Variants in NMBR observed in about 807,000 individuals in gnomAD.
NMBR encodes the protein neuromedin B receptor.
In NMBR, 16 loss-of-function variants were observed where a neutral mutation model predicts 20.5. The observed-to-expected ratio is 0.78, with a 90% CI of 0.53 to 1.19. NMBR has a LOEUF of 1.19. Among genes scored for constraint, NMBR ranks in the 50% most tolerant of loss-of-function variants. NMBR has a pLI of 0.00. For synonymous variants in NMBR, 212 were observed against 196.6 expected (o/e 1.08, Z -0.65); for missense variants, 582 against 499.1 (o/e 1.17, Z -1.58).
At chr6:142,102,126 C>T (rs561188525) in intron 1 of NMBR, among the ~76,000 whole-genome samples, 12 of 152,212 alleles carry the variant, frequency 7.9e-5, no homozygotes, top group African/African-American at 1.9e-4. Flanking sequence ...CGGTGGCTCA[C>T]GCCTGTAATC....
intron 1 of NMBR, among the ~76,000 whole-genome samples, chr6:142,091,520 C>A (rs2114570012): frequency 6.6e-6 from 1 of 152,256 alleles, no homozygotes; most frequent in East Asian, 1.9e-4. Context: ...CCATAGCACC[C>A]AGCCATACAA....
chr6:142,084,722 C>T (rs1450251872), intron 2 of NMBR, among the ~76,000 whole-genome samples: 1 of 152,018 alleles, frequency 6.6e-6, no homozygotes, highest in Non-Finnish European at 1.5e-5. Flanking sequence ...CATCAGAGGC[C>T]AAAAGATCTT....
chr6:142,126,276 T>C (rs1002476233), intron 1 of NMBR, among the ~76,000 whole-genome samples: 4 of 151,856 alleles, frequency 2.6e-5, no homozygotes, highest in Admixed American at 6.6e-5. Context: ...TGTGTGTGTG[T>C]GTGTGTGTGA....
intron 1 of NMBR, among the ~76,000 whole-genome samples, chr6:142,117,399 A>C (rs1345999934): frequency 6.6e-6 from 1 of 151,944 alleles, no homozygotes; most frequent in Non-Finnish European, 1.5e-5. Flanking sequence ...TCAATACTTA[A>C]TAAGTAGAAA....
At chr6:142,097,304 C>T (rs904714614) in intron 1 of NMBR, among the ~76,000 whole-genome samples, 3 of 152,108 alleles carry the variant, frequency 2.0e-5, no homozygotes. Context: ...TTTGCAGTGG[C>T]TGGTACCAGT....
At chr6:142,128,398 AC>A (rs1221103376) in intron 1 of NMBR, among the ~76,000 whole-genome samples, 2 of 152,074 alleles carry the variant, frequency 1.3e-5, no homozygotes, top group African/African-American at 2.4e-5. Context: ...GACTTCTAGT[AC>A]TATGTTGAAT....
At chr6:142,105,141 C>T (rs1012479120) in intron 1 of NMBR, among the ~76,000 whole-genome samples, 25 of 119,502 alleles carry the variant, frequency 2.1e-4, no homozygotes, top group South Asian at 1.6e-3. Flanking sequence ...ATCGAAAGGG[C>T]GGGGAGGGGG....
chr6:142,124,097 G>A (rs768227575), intron 1 of NMBR, among the ~76,000 whole-genome samples: 120 of 151,882 alleles, frequency 7.9e-4, no homozygotes, highest in Non-Finnish European at 1.4e-3. Flanking sequence ...AGACAGAAAG[G>A]GGACAGAAAA....
At chr6:142,117,026 A>G (rs1399240361) in intron 1 of NMBR, among the ~76,000 whole-genome samples, 1 of 151,980 alleles carries the variant, frequency 6.6e-6, no homozygotes, top group Admixed American at 6.6e-5. Flanking sequence ...CATGTCTTAA[A>G]TTGTTTCCAT....
intron 1 of NMBR, among the ~76,000 whole-genome samples, chr6:142,121,333 CA>C (rs1469723134): frequency 5.9e-5 from 9 of 151,890 alleles, no homozygotes; most frequent in Admixed American, 5.9e-4. Context: ...GCAAAAGAGT[CA>C]CAGGTCTCTC....
chr6:142,146,461 A>T (rs1201025545), intron 1 of NMBR, among the ~76,000 whole-genome samples: 1 of 152,244 alleles, frequency 6.6e-6, no homozygotes, highest in Non-Finnish European at 1.5e-5. Flanking sequence ...GAGGAAGAGA[A>T]TTGAAGTCAT....
intron 1 of NMBR, among the ~76,000 whole-genome samples, chr6:142,140,069 T>G (rs959572767): frequency 6.6e-6 from 1 of 152,004 alleles, no homozygotes; most frequent in African/African-American, 2.4e-5. Flanking sequence ...GCACTGAAAA[T>G]TGACAGCTGA....
At chr6:142,110,392 A>T (rs914006798) in intron 1 of NMBR, among the ~76,000 whole-genome samples, 10 of 152,236 alleles carry the variant, frequency 6.6e-5, no homozygotes, top group Non-Finnish European at 1.5e-4. Flanking sequence ...GGATGGCATT[A>T]AAAAAGAATC....
At position 142,095,602 on chromosome 6, in the gene NMBR, G is replaced by T. The variant is rs777756704; in HGVS notation, c.-663-6281C>A. 5.3e-5 allele frequency among the ~76,000 whole-genome samples: 8 copies of T among 152,256 alleles called. No homozygotes were observed. The South Asian group carries it at 1.5e-3, about 28-fold the overall frequency. The stretch of plus-strand genomic sequence containing the variant: ...GCATTGATGTTCCTCAGGGATATTG[G>T]TCTAAAATTCTCTTTTTTCTTGTGT... On this transcript the variant is annotated intron_variant, in intron 1 of 3. Coordinates refer to ENST00000258042, the MANE Select transcript of NMBR (RefSeq NM_002511.4).
At chr6:142,125,197 C>T (rs956531638) in intron 1 of NMBR, among the ~76,000 whole-genome samples, 4 of 151,874 alleles carry the variant, frequency 2.6e-5, no homozygotes, top group Admixed American at 6.6e-5. Context: ...CTATTCAACC[C>T]CACTTTACCA....
intron 1 of NMBR, among the ~76,000 whole-genome samples, chr6:142,101,838 C>G (rs1456620853): frequency 1.3e-5 from 2 of 152,126 alleles, no homozygotes; most frequent in Non-Finnish European, 2.9e-5. Context: ...GGTCTCAGCA[C>G]GTCATTTATA....
chr6:142,097,586 C>G (rs1777481130), intron 1 of NMBR, among the ~76,000 whole-genome samples: 1 of 152,032 alleles, frequency 6.6e-6, no homozygotes, highest in African/African-American at 2.4e-5. Flanking sequence ...GTAAGTTGCA[C>G]TATTGTAAAC....
intron 1 of NMBR, among the ~76,000 whole-genome samples, chr6:142,090,916 A>C (rs1053456383): frequency 1.3e-5 from 2 of 152,008 alleles, no homozygotes; most frequent in Non-Finnish European, 2.9e-5. Flanking sequence ...AGAAGAGAAA[A>C]AAATGTTTAG....
chr6:142,094,180 T>A (rs1777395813), intron 1 of NMBR, among the ~76,000 whole-genome samples: 1 of 152,072 alleles, frequency 6.6e-6, no homozygotes, highest in South Asian at 2.1e-4. Flanking sequence ...CAATTTTGGC[T>A]TTTGTTGCCA....
Sources: gnomAD v4.1 joint callset for allele counts (sites outside exome capture counted in the v4.1 genomes callset) on GRCh38, gnomAD v4.1.1 for gene constraint, MANE v1.5 for transcripts, NCBI Gene and HGNC (gene_info 2026-07-23, HGNC 2026-07-21) for gene names.